Variants in IGF1R observed in about 807,000 individuals in gnomAD.
The protein encoded by IGF1R is insulin-like growth factor 1 receptor.
In IGF1R, 44 loss-of-function variants were observed where a neutral mutation model predicts 144.6. That is an observed-to-expected ratio of 0.30 (90% CI 0.24 to 0.39). The LOEUF (loss-of-function observed/expected upper bound fraction) is 0.39, where lower values mean the gene tolerates loss of function less well. Ranked by LOEUF, IGF1R falls within the 10% of genes least tolerant of loss-of-function variation. IGF1R has a pLI of 1.00. For synonymous variants in IGF1R, 795 were observed against 722.8 expected (o/e 1.10, Z -1.60); for missense variants, 1,355 against 1,833.7 (o/e 0.74, Z 4.77).
In IGF1R at chr15:98,774,867, CAATT is replaced by C. The variant is rs1567122586; in HGVS notation, c.640+66763_640+66766del. ...ACATTTTGTTATGGATATTTTCCCA[CAATT>C]AAATTTAAAAGGAAGATGAGTAGTA... On this transcript the variant is annotated intron_variant, in intron 2 of 20. Transcript: ENST00000650285. 2.0e-5 allele frequency among the ~76,000 whole-genome samples: 3 copies of C among 152,122 alleles called. No homozygotes were observed. The East Asian group carries it at 5.8e-4, about 29-fold the overall frequency.
intron 12 of IGF1R, 73 bp from the exon 13 acceptor site, chr15:98,924,452 G>A (rs2015622119): frequency 7.0e-7 from 1 of 1,436,148 alleles, no homozygotes; most frequent in Admixed American, 1.7e-5. Context: ...CCCCAGTGTG[G>A]TGAGTTTAGT....
chr15:98,740,348 A>ATGG (rs2054709469), intron 2 of IGF1R, among the ~76,000 whole-genome samples: 1 of 152,208 alleles, frequency 6.6e-6, no homozygotes, highest in Non-Finnish European at 1.5e-5. Flanking sequence ...AAGATGATAA[A>ATGG]TGGGACTAAG....
In IGF1R at chr15:98,958,218, T is replaced by G. The variant is rs1195006430; in HGVS notation, c.*776T>G. On this transcript the variant is annotated 3_prime_UTR_variant, in exon 21 of 21. Transcript: ENST00000650285. ...GGTCTCATTGCTTCTGACTAGATTA[T>G]TATTTGGGGGAACTGGACACAATAG... 4.3e-6 allele frequency: 1 copy of G among 231,822 alleles called. No homozygotes were observed. The highest frequency in any genetic ancestry group is 2.2e-5 in the African/African-American group (1 of 45,228). The allele number at this position is 231,822 out of a possible 1,614,324, so 14.4% of individuals were successfully genotyped here. A position where few individuals can be genotyped will look rare whatever the true frequency, so the allele number is the denominator to read the frequency against.
In IGF1R at chr15:98,957,121, GATC is replaced by G. The variant is rs1369143378; in HGVS notation, c.3788_3790del (p.Ile1263del). On this transcript the variant is annotated inframe_deletion, in exon 21 of 21. Transcript: ENST00000650285. ...CCAAGATGAGGCCTTCCTTCCTGGA[GATC>G]ATCAGCAGCATCAAAGAGGAGATGG... The G allele has an allele frequency of 6.2e-7, 1 of 1,614,124 alleles. No homozygotes were observed. The highest frequency in any genetic ancestry group is 8.5e-7 in the Non-Finnish European group (1 of 1,180,050).
At chr15:98,893,341 A>G (rs569083994) in intron 3 of IGF1R, 20 of 152,338 alleles carry the variant, frequency 1.3e-4, no homozygotes, top group African/African-American at 4.1e-4. Context: ...CTGTATAACC[A>G]TTAGCATACT....
chr15:98,840,555 T>TGAA (rs1365704509), intron 2 of IGF1R, among the ~76,000 whole-genome samples: 1 of 152,138 alleles, frequency 6.6e-6, no homozygotes, highest in Non-Finnish European at 1.5e-5. Flanking sequence ...GTTCATGCAG[T>TGAA]CCTCCTGCCT....
chr15:98,853,803 G>T (rs749659842), intron 2 of IGF1R, among the ~76,000 whole-genome samples: 2 of 152,228 alleles, frequency 1.3e-5, no homozygotes, highest in Non-Finnish European at 2.9e-5. Context: ...GGGCACTTGG[G>T]GAGAAGTGCG....
rs764571961 is a variant in IGF1R, at chr15:98,922,334, C to T, written c.2388C>T (p.Phe796=). 1.2e-6 allele frequency: 2 copies of T among 1,614,170 alleles called. No homozygotes were observed. Among genetic ancestry groups the T allele is most frequent in the Non-Finnish European group, 1.7e-6 (2 of 1,180,028 alleles). The change falls in exon 11 of 21, where the codon TTC becomes TTT. Residue 796 remains phenylalanine (F), a synonymous_variant. Transcript: ENST00000650285. ...ERTVISNLRP[F]TLYRIDIHSC... ...CTGTCATTTCTAACCTTCGGCCTTT[C>T]ACATTGTACCGCATCGATATCCACA...
In IGF1R at chr15:98,913,305, C is replaced by T. The variant is rs769996258; in HGVS notation, c.1828+23C>T. On this transcript the variant is annotated intron_variant, in intron 8 of 20. Transcript: ENST00000650285. ...CAGGTATCCATGCCTAGACAAGCCC[C>T]CAGCATCCACACTTCTTCGCAAGCT... is the stretch of plus-strand genomic sequence containing the variant. 1.3e-5 allele frequency: 20 copies of T among 1,576,574 alleles called. No homozygotes were observed. In the South Asian group the frequency reaches 1.9e-4, roughly 15 times the overall value.
At chr15:98,787,977 C>G (rs1257640601) in intron 2 of IGF1R, among the ~76,000 whole-genome samples, 1 of 151,886 alleles carries the variant, frequency 6.6e-6, no homozygotes, top group African/African-American at 2.4e-5. Context: ...TTGTTCACCA[C>G]GCTTGATGGC....
chr15:98,666,633 T>C (rs1414303218), intron 1 of IGF1R, among the ~76,000 whole-genome samples: 1 of 152,132 alleles, frequency 6.6e-6, no homozygotes, highest in Non-Finnish European at 1.5e-5. Context: ...AAGCCAGTCA[T>C]GAAAGGACAA....
intron 11 of IGF1R, among the ~76,000 whole-genome samples, chr15:98,922,759 G>A (rs1208294350): frequency 2.0e-5 from 3 of 152,166 alleles, no homozygotes; most frequent in African/African-American, 7.2e-5. Context: ...CGCACAAATC[G>A]GGTTGCCCCC....
At chr15:98,799,272 A>T (rs1442960932) in intron 2 of IGF1R, among the ~76,000 whole-genome samples, 1 of 152,010 alleles carries the variant, frequency 6.6e-6, no homozygotes, top group Non-Finnish European at 1.5e-5. Flanking sequence ...CCCGTAAAGT[A>T]CGTTCATATT....
intron 2 of IGF1R, among the ~76,000 whole-genome samples, chr15:98,825,551 A>G (rs533015140): frequency 4.6e-5 from 7 of 152,286 alleles, no homozygotes; most frequent in South Asian, 2.1e-4. Flanking sequence ...TGAGAACCCT[A>G]TTGTGAACTG....
chr15:98,835,645 T>A (rs558177342), intron 2 of IGF1R, among the ~76,000 whole-genome samples: 1 of 152,312 alleles, frequency 6.6e-6, no homozygotes, highest in Admixed American at 6.5e-5. Flanking sequence ...CCAAGTGACA[T>A]TGATTTAGTC....
chr15:98,885,198 G>C (rs985447701), intron 2 of IGF1R, among the ~76,000 whole-genome samples: 14 of 152,292 alleles, frequency 9.2e-5, no homozygotes, highest in African/African-American at 2.4e-4. Flanking sequence ...GCTGGGCTGA[G>C]TCCCCGAACC....
chr15:98,691,489 G>C (rs1473101845), intron 1 of IGF1R, among the ~76,000 whole-genome samples: 1 of 151,256 alleles, frequency 6.6e-6, no homozygotes, highest in Non-Finnish European at 1.5e-5. Context: ...TCAGCCTCCC[G>C]AGTAGCTGGG....
chr15:98,850,385 C>A (rs1028921549), intron 2 of IGF1R, among the ~76,000 whole-genome samples: 1 of 152,198 alleles, frequency 6.6e-6, no homozygotes, highest in African/African-American at 2.4e-5. Context: ...AGCACTGCTT[C>A]CATGGTCTGG....
At chr15:98,839,960 C>G (rs966572544) in intron 2 of IGF1R, among the ~76,000 whole-genome samples, 30 of 152,234 alleles carry the variant, frequency 2.0e-4, no homozygotes, top group Non-Finnish European at 3.5e-4. Flanking sequence ...CTTAATGGCA[C>G]AATCTAAGCT....
Sources: allele counts gnomAD v4.1 joint callset (sites outside exome capture counted in the v4.1 genomes callset), GRCh38; gene constraint gnomAD v4.1.1; transcripts MANE v1.5; gene names NCBI Gene and HGNC (gene_info 2026-07-23, HGNC 2026-07-21).